NF1: variants seen among roughly 807,000 people sequenced by gnomAD.
NF1 encodes the protein neurofibromin.
A neutral mutation model predicts 325.7 loss-of-function variants in NF1; 122 were observed. The ratio of observed to expected loss-of-function variants is 0.37; its 90% CI spans 0.32 to 0.44. The LOEUF (loss-of-function observed/expected upper bound fraction) is 0.44. Ranked by LOEUF, NF1 falls within the 20% of genes least tolerant of loss-of-function variation. The pLI, the probability that NF1 is intolerant of heterozygous loss-of-function variation, is 1.00. For synonymous variants in NF1, 1,091 were observed against 1,186.0 expected (o/e 0.92, Z 1.65); for missense variants, 2,140 against 3,415.4 (o/e 0.63, Z 9.31).
Position 31,233,731 on chromosome 17 carries a change from T to C in NF1, c.3708+518T>C, listed in dbSNP as rs150108816. ...AATTTTCCTAAAATCACATCATTCT[T>C]AATACATGCTAAAACGTTGAGACGG... On this transcript the variant is annotated intron_variant, in intron 27 of 57. Transcript: ENST00000358273. Among the ~76,000 whole-genome samples the C allele has an allele frequency of 1.5e-3, 229 of 152,362 alleles. 1 individual carries two copies. The highest frequency in any genetic ancestry group is 5.2e-3 in the African/African-American group (217 of 41,584).
At chr17:31,322,094 TACACACACACAC>T (rs71142046) in intron 36 of NF1, among the ~76,000 whole-genome samples, 41 of 147,404 alleles carry the variant, frequency 2.8e-4, no homozygotes, top group African/African-American at 7.9e-4. Flanking sequence ...AGTGTGTGTA[TACACACACACAC>T]ACACACACAC....
At chr17:31,163,398 G>A (rs1567818053) in intron 4 of NF1, 22 bp downstream of exon 4, 5 of 1,607,374 alleles carry the variant, frequency 3.1e-6, no homozygotes, top group Non-Finnish European at 4.3e-6. Flanking sequence ...AATCCACATG[G>A]GACTACTGAA....
At chr17:31,248,113 A>C (rs2067429317) in intron 29 of NF1, among the ~76,000 whole-genome samples, 1 of 152,094 alleles carries the variant, frequency 6.6e-6, no homozygotes, top group Non-Finnish European at 1.5e-5. Flanking sequence ...GAGGCAGGAG[A>C]ATCACTTGAA....
intron 36 of NF1, chr17:31,305,485 G>A (rs2068693836): frequency 6.2e-7 from 1 of 1,614,030 alleles, no homozygotes; most frequent in South Asian, 1.1e-5. Flanking sequence ...CAATACCTGT[G>A]ACATTGATGA....
At chr17:31,263,097 AGGTAGGTAGG>A in intron 35 of NF1, among the ~76,000 whole-genome samples, 1 of 97,172 alleles carries the variant, frequency 1.0e-5, no homozygotes, top group African/African-American at 3.8e-5. Context: ...GTAGGTAGGT[AGGTAGGTAGG>A]TAGATAGATA....
At chr17:31,354,255 A>G (rs1294244801) in intron 51 of NF1, among the ~76,000 whole-genome samples, 1 of 152,006 alleles carries the variant, frequency 6.6e-6, no homozygotes, top group Non-Finnish European at 1.5e-5. Flanking sequence ...AAATTAGAAG[A>G]AAAAAAACTG....
At chr17:31,182,881 A>T in intron 8 of NF1, 2 of 606,750 alleles carry the variant, frequency 3.3e-6, no homozygotes, top group Non-Finnish European at 5.8e-6. Flanking sequence ...ATGAACAAAG[A>T]TTTAAAATAA....
At chr17:31,293,207 A>AAAAAAAAAAAAAAAAAAAAAAAC (rs1326132503) in intron 36 of NF1, among the ~76,000 whole-genome samples, 1 of 131,906 alleles carries the variant, frequency 7.6e-6, no homozygotes, top group Admixed American at 8.0e-5. Flanking sequence ...AAAAAAAAAA[A>AAAAAAAAAAAAAAAAAAAAAAAC]AAAAGAAACC....
intron 46 of NF1, chr17:31,340,199 AAG>A (rs531471225): frequency 3.4e-5 from 13 of 377,518 alleles, no homozygotes; most frequent in Admixed American, 3.1e-4. Context: ...AGCAATAAGA[AAG>A]AAATGACAAA....
chr17:31,324,151 T>TC (rs1159069355), intron 36 of NF1, among the ~76,000 whole-genome samples: 5 of 152,148 alleles, frequency 3.3e-5, no homozygotes, highest in African/African-American at 9.7e-5. Context: ...CACTGCAAAC[T>TC]CCCCTCCCAG....
chr17:31,282,357 G>T (rs891803917), intron 36 of NF1, among the ~76,000 whole-genome samples: 1 of 149,134 alleles, frequency 6.7e-6, no homozygotes, highest in East Asian at 2.0e-4. Context: ...ACTCAAGCCC[G>T]GGTGACAGAG....
intron 1 of NF1, among the ~76,000 whole-genome samples, chr17:31,111,067 C>A (rs1457194891): frequency 1.3e-5 from 2 of 151,902 alleles, no homozygotes; most frequent in African/African-American, 4.8e-5. Flanking sequence ...TTAACACCAC[C>A]ATCACAAACC....
At chr17:31,219,208 A>G (rs2066880300) in intron 14 of NF1, 90 bp downstream of exon 14, 2 of 1,337,614 alleles carry the variant, frequency 1.5e-6, no homozygotes, top group Non-Finnish European at 2.1e-6. Context: ...TTCTGTGAGT[A>G]ACAGGTAGAT....
At chr17:31,333,801 C>T (rs1223067665) in intron 39 of NF1, among the ~76,000 whole-genome samples, 2 of 152,060 alleles carry the variant, frequency 1.3e-5, no homozygotes, top group Non-Finnish European at 2.9e-5. Flanking sequence ...GGTAAAGCCA[C>T]GGAACTGTAC....
chr17:31,373,923 G>A (rs2070692767), intron 57 of NF1, 90 bp from the exon 58 acceptor site: 2 of 1,512,536 alleles, frequency 1.3e-6, no homozygotes, highest in African/African-American at 2.7e-5. Flanking sequence ...TTCCTAGAAT[G>A]TGTCCCCGTT....
At chr17:31,258,223 G>T in intron 31 of NF1, 121 bp from the exon 32 acceptor site, 1 of 1,004,088 alleles carries the variant, frequency 1.0e-6, no homozygotes, top group Non-Finnish European at 1.5e-6. Context: ...ATAGAAATAT[G>T]TCATTCATGA....
chr17:31,216,960 A>C lies in NF1; in HGVS notation c.1528-2045A>C, dbSNP rs2066829637. Among the ~76,000 whole-genome samples, 3 of 152,144 alleles carry C rather than the reference A, an allele frequency of 2.0e-5. 1 individual carries two copies. The South Asian group carries it at 6.2e-4, about 32-fold the overall frequency. On this transcript the variant is annotated intron_variant, in intron 13 of 57. Coordinates refer to ENST00000358273, the MANE Select transcript of NF1 (RefSeq NM_001042492.3). ...CTAAGGAAGCCTCCCTGAGTCGGACACTTTTCCATGTTATAGGCTGTCATA... is the reference window on the plus strand; with the variant it reads ...CTAAGGAAGCCTCCCTGAGTCGGACCCTTTTCCATGTTATAGGCTGTCATA...
At chr17:31,343,534 G>C (rs1248495370) in intron 48 of NF1, among the ~76,000 whole-genome samples, 1 of 152,158 alleles carries the variant, frequency 6.6e-6, no homozygotes, top group Non-Finnish European at 1.5e-5. Flanking sequence ...AACAGAGTGA[G>C]ACTTTGTCTC....
At chr17:31,350,419 A>C (rs1597859964) in intron 50 of NF1, 101 bp downstream of exon 50, 1 of 960,216 alleles carries the variant, frequency 1.0e-6, no homozygotes, top group East Asian at 2.4e-5. Context: ...GTAACATGGG[A>C]GAAATCTAGA....
Sources: allele counts gnomAD v4.1 joint callset (sites outside exome capture counted in the v4.1 genomes callset), GRCh38; gene constraint gnomAD v4.1.1; transcripts MANE v1.5; gene names NCBI Gene and HGNC (gene_info 2026-07-23, HGNC 2026-07-21).